ERC1: variants seen among roughly 807,000 people sequenced by gnomAD.
ERC1 encodes the protein ELKS/RAB6-interacting/CAST family member 1.
In ERC1, 56 loss-of-function variants were observed where a neutral mutation model predicts 132.0. The ratio of observed to expected loss-of-function variants is 0.42; its 90% CI spans 0.34 to 0.53. The LOEUF is 0.53. Ranked by LOEUF, ERC1 falls within the 20% of genes least tolerant of loss-of-function variation. ERC1 has a pLI of 0.03. For synonymous variants in ERC1, 478 were observed against 476.1 expected (o/e 1.00, Z -0.05); for missense variants, 1,202 against 1,349.9 (o/e 0.89, Z 1.72).
intron 14 of ERC1, among the ~76,000 whole-genome samples, chr12:1,280,577 T>A (rs1169180940): frequency 6.6e-6 from 1 of 152,210 alleles, no homozygotes; most frequent in African/African-American, 2.4e-5. Flanking sequence ...CTCACCTAGA[T>A]GGAAGAAATT....
chr12:1,438,952 A>ATATATATATATAT (rs1555093159), intron 17 of ERC1, among the ~76,000 whole-genome samples: 12 of 115,002 alleles, frequency 1.0e-4, no homozygotes, highest in African/African-American at 5.0e-4. Context: ...AATTTAAAAA[A>ATATATATATATAT]AAATATATAT....
At chr12:1,474,698 T>G (rs2093935951) in intron 18 of ERC1, among the ~76,000 whole-genome samples, 1 of 152,184 alleles carries the variant, frequency 6.6e-6, no homozygotes, top group Non-Finnish European at 1.5e-5. Context: ...CTTTAGACTG[T>G]CAGCTTGTTC....
At chr12:1,404,641 G>A (rs192262352) in intron 16 of ERC1, among the ~76,000 whole-genome samples, 154 of 152,180 alleles carry the variant, frequency 1.0e-3, no homozygotes, top group Non-Finnish European at 1.6e-3. Flanking sequence ...CTTGTTCCTC[G>A]TTATTTTCTT....
At chr12:1,311,285 T>C (rs989188265) in intron 15 of ERC1, among the ~76,000 whole-genome samples, 1 of 152,166 alleles carries the variant, frequency 6.6e-6, no homozygotes, top group Non-Finnish European at 1.5e-5. Context: ...GCAAGAAAAA[T>C]TGACCACTGA....
At chr12:1,164,728 A>C (rs1007583090) in intron 8 of ERC1, among the ~76,000 whole-genome samples, 24 of 152,204 alleles carry the variant, frequency 1.6e-4, no homozygotes, top group African/African-American at 4.3e-4. Context: ...TCATGGCAGA[A>C]GAGTATGTGA....
At chr12:1,222,004 G>A (rs931601836) in intron 12 of ERC1, among the ~76,000 whole-genome samples, 1 of 152,146 alleles carries the variant, frequency 6.6e-6, no homozygotes, top group African/African-American at 2.4e-5. Flanking sequence ...CAGGCTGTAA[G>A]GTATAGACTG....
At chr12:1,413,848 A>G (rs2091972405) in intron 17 of ERC1, among the ~76,000 whole-genome samples, 2 of 152,220 alleles carry the variant, frequency 1.3e-5, no homozygotes, top group African/African-American at 2.4e-5. Context: ...TATTGAAAAT[A>G]TCATAGACTG....
At chr12:1,050,613 T>G (rs189725553) in intron 2 of ERC1, among the ~76,000 whole-genome samples, 111 of 152,328 alleles carry the variant, frequency 7.3e-4, no homozygotes, top group Non-Finnish European at 1.1e-3. Context: ...TTCTATTTAT[T>G]TAGTAATTTA....
chr12:1,198,384 T>G lies in ERC1; in HGVS notation c.2351+8332T>G, dbSNP rs7953335. On this transcript the variant is annotated intron_variant, in intron 12 of 18. Coordinates refer to ENST00000360905, the MANE Select transcript of ERC1 (RefSeq NM_178040.4). ...AGGTCCTCCAACTCTAGTAGAGAGA[T>G]ACAGAATACAGAGGGAAAACCAAAA... Among the ~76,000 whole-genome samples the G allele has an allele frequency of 3.7e-3, 567 of 152,330 alleles. 1 individual carries two copies. The highest frequency in any genetic ancestry group is 0.013 in the African/African-American group (532 of 41,572).
chr12:1,315,576 C>T (rs988686663), intron 15 of ERC1, among the ~76,000 whole-genome samples: 1 of 152,166 alleles, frequency 6.6e-6, no homozygotes, highest in South Asian at 2.1e-4. Flanking sequence ...GTCTCGAACT[C>T]CTGACCTCAG....
In ERC1 at chr12:1,035,216, AAAG is replaced by A. The variant is rs528554085; in HGVS notation, c.669+6649_669+6651del. Among the ~76,000 whole-genome samples, 245 of 152,324 alleles carry A rather than the reference AAAG, an allele frequency of 1.6e-3. 2 individuals are homozygous for A. Among genetic ancestry groups the A allele is most frequent in the Non-Finnish European group, 2.5e-3 (173 of 68,024 alleles). On this transcript the variant is annotated intron_variant, in intron 2 of 18. Transcript: ENST00000360905. Reference sequence around the variant, plus strand: ...AGAGGTCAGGCATCTTCCACTTGATAAAGAAGATTGGTTTAATAGGATTTACAG... The same window carrying A: ...AGAGGTCAGGCATCTTCCACTTGATAAAGATTGGTTTAATAGGATTTACAG...
chr12:1,413,996 A>G (rs1275784537), intron 17 of ERC1, among the ~76,000 whole-genome samples: 1 of 152,202 alleles, frequency 6.6e-6, no homozygotes, highest in Non-Finnish European at 1.5e-5. Flanking sequence ...GGCATCAGTT[A>G]GATTCTCATC....
intron 8 of ERC1, among the ~76,000 whole-genome samples, chr12:1,162,094 T>A (rs538957871): frequency 6.6e-6 from 1 of 152,322 alleles, no homozygotes; most frequent in African/African-American, 2.4e-5. Context: ...TTCCTTGCTT[T>A]CTAAGTAGTA....
intron 12 of ERC1, among the ~76,000 whole-genome samples, chr12:1,227,285 A>G (rs139007350): frequency 1.0e-3 from 159 of 152,314 alleles, no homozygotes; most frequent in Middle Eastern, 6.8e-3. Context: ...CATCCTTGCC[A>G]ATACTTGTTA....
chr12:1,226,820 G>A (rs1405506510), intron 12 of ERC1, among the ~76,000 whole-genome samples: 1 of 152,166 alleles, frequency 6.6e-6, no homozygotes, highest in Non-Finnish European at 1.5e-5. Flanking sequence ...GGGATTACAG[G>A]TGTGTACCAC....
chr12:1,250,320 C>T (rs1183009718), intron 13 of ERC1, among the ~76,000 whole-genome samples: 2 of 152,114 alleles, frequency 1.3e-5, no homozygotes, highest in Non-Finnish European at 1.5e-5. Flanking sequence ...TTGTTATTGC[C>T]TTATCCATTG....
chr12:1,262,581 TATC>T (rs1260070140), intron 13 of ERC1, among the ~76,000 whole-genome samples: 1 of 152,254 alleles, frequency 6.6e-6, no homozygotes, highest in Non-Finnish European at 1.5e-5. Flanking sequence ...CTATGAAGAA[TATC>T]ATCTGAAAGA....
chr12:1,226,169 A>G (rs2074559915), intron 12 of ERC1, among the ~76,000 whole-genome samples: 1 of 152,236 alleles, frequency 6.6e-6, no homozygotes, highest in African/African-American at 2.4e-5. Flanking sequence ...AAGATGGCCA[A>G]AAATGGAGAT....
chr12:1,226,605 C>A (rs1594362321), intron 12 of ERC1, among the ~76,000 whole-genome samples: 1 of 152,230 alleles, frequency 6.6e-6, no homozygotes, highest in East Asian at 1.9e-4. Context: ...CCTCTAGAAA[C>A]CACCGTTCTA....
Sources: allele counts gnomAD v4.1 joint callset (sites outside exome capture counted in the v4.1 genomes callset), GRCh38; gene constraint gnomAD v4.1.1; transcripts MANE v1.5; gene names NCBI Gene and HGNC (gene_info 2026-07-23, HGNC 2026-07-21).